ABCC12: variants seen among roughly 807,000 people sequenced by gnomAD.
The protein encoded by ABCC12 is ATP binding cassette subfamily C member 12.
In ABCC12, 142 loss-of-function variants were observed where a neutral mutation model predicts 151.1. That is an observed-to-expected ratio of 0.94 (90% CI 0.82 to 1.08). The LOEUF is 1.08. Among genes scored for constraint, ABCC12 ranks in the 50% least tolerant of loss-of-function variants. The pLI, the probability that ABCC12 is intolerant of heterozygous loss-of-function variation, is 0.00. For synonymous variants in ABCC12, 645 were observed against 646.4 expected (o/e 1.00, Z 0.03); for missense variants, 1,638 against 1,691.1 (o/e 0.97, Z 0.55).
intron 14 of ABCC12, 116 bp downstream of exon 14, chr16:48,117,145 C>T: frequency 4.2e-6 from 4 of 951,984 alleles, no homozygotes; most frequent in African/African-American, 1.6e-5. Flanking sequence ...GAGCTTTGCC[C>T]ACACGTCCTT....
At chr16:48,152,974 T>C (rs1469751077) in intron 2 of ABCC12, among the ~76,000 whole-genome samples, 2 of 152,140 alleles carry the variant, frequency 1.3e-5, no homozygotes, top group Admixed American at 1.3e-4. Context: ...TAAAGAACAT[T>C]ATTGGCCCAA....
intron 24 of ABCC12, among the ~76,000 whole-genome samples, chr16:48,092,197 A>T (rs1284640159): frequency 6.6e-6 from 1 of 152,254 alleles, no homozygotes; most frequent in African/African-American, 2.4e-5. Context: ...GAAGCCTGCA[A>T]GCATGTAATT....
Position 48,139,251 on chromosome 16 carries a change from A to T in ABCC12, c.743T>A (p.Met248Lys). Residue 248 changes from methionine (M) to lysine (K), a missense_variant, in exon 7 of 31, where the codon ATG becomes AAG. Physicochemically the swap from Met to Lys is moderately conservative, Grantham distance 95. Transcript: ENST00000311303. The stretch of plus-strand genomic sequence containing the variant: ...AAAGGCGTACGCCGCACAAAAGACC[A>T]TTAGGATCGGGATGGTGGCTGGCAA... ...CPLPATIPIL[M>K]VFCAAYAFFI... 6.2e-7 allele frequency: 1 copy of T among 1,614,158 alleles called. No individual in the cohort carries two copies. The highest frequency in any genetic ancestry group is 8.5e-7 in the Non-Finnish European group (1 of 1,180,004).
At chr16:48,103,761 C>T (rs984017378) in intron 22 of ABCC12, among the ~76,000 whole-genome samples, 1 of 152,216 alleles carries the variant, frequency 6.6e-6, no homozygotes, top group African/African-American at 2.4e-5. Flanking sequence ...CAGTGGGAAC[C>T]CCCGCCCCGA....
rs907990070 is a variant in ABCC12 at position 48,081,820 on chromosome 16, C to T, written c.*1895G>A. Among the ~76,000 whole-genome samples, 10 of 152,264 alleles carry T rather than the reference C, an allele frequency of 6.6e-5. 1 individual carries two copies. Among genetic ancestry groups the T allele is most frequent in the Admixed American group, 4.6e-4 (7 of 15,292 alleles). On this transcript the variant is annotated 3_prime_UTR_variant, in exon 31 of 31. Transcript: ENST00000311303. The stretch of plus-strand genomic sequence containing the variant: ...GGATCATTGTAGTCTATCCTCTGTC[C>T]TCATGAAAACACCACCTCTTGAAAT...
Position 48,128,569 on chromosome 16 carries a change from A to G in ABCC12, c.1405T>C (p.Ser469Pro). 1 of 1,613,464 alleles carries G rather than the reference A, an allele frequency of 6.2e-7. No individual in the cohort carries two copies. Among genetic ancestry groups the G allele is most frequent in the Non-Finnish European group, 8.5e-7 (1 of 1,179,874 alleles). The change falls in exon 11 of 31, where the codon TCA (serine) becomes CCA (proline). Residue 469 changes from serine to proline, a missense_variant. Ser to Pro is a moderately conservative substitution (Grantham distance 74). Transcript: ENST00000311303. Reference sequence around the variant, plus strand: ...GGACTCCTCTCACTGTATGCCTCTGACCTCTGTTTCTTGCATAAATGCCTT... The same window carrying G: ...GGACTCCTCTCACTGTATGCCTCTGGCCTCTGTTTCTTGCATAAATGCCTT... ...QKRHLCKKQR[S>P]EAYSERSPPA...
At chr16:48,105,044 C>A in intron 21 of ABCC12, 95 bp downstream of exon 21, 1 of 1,408,420 alleles carries the variant, frequency 7.1e-7, no homozygotes. Context: ...CTCTGGCTGT[C>A]CCCAGAGCCC....
Position 48,140,866 on chromosome 16 carries a change from A to G in ABCC12, c.478T>C (p.Trp160Arg). ...GCTATGCACAGTCCAATGCCAACCCAGACTTTCCCAGAGGTCCTCTCAGTC... is the reference window on the plus strand; with the variant it reads ...GCTATGCACAGTCCAATGCCAACCCGGACTTTCCCAGAGGTCCTCTCAGTC... ...QQTERTSGKVWVGIGLCIALF... is the reference protein window; with the variant it reads ...QQTERTSGKVRVGIGLCIALF... The change falls in exon 6 of 31, where the codon TGG becomes CGG. Residue 160 changes from tryptophan to arginine, a missense_variant. Coordinates refer to ENST00000311303, the MANE Select transcript of ABCC12 (RefSeq NM_001393797.1). 1 of 1,614,178 alleles carries G rather than the reference A, an allele frequency of 6.2e-7. No homozygotes were observed. Among genetic ancestry groups the G allele is most frequent in the Non-Finnish European group, 8.5e-7 (1 of 1,180,040 alleles).
chr16:48,093,969 G>T (rs1963002921), intron 24 of ABCC12, among the ~76,000 whole-genome samples: 1 of 152,206 alleles, frequency 6.6e-6, no homozygotes, highest in Non-Finnish European at 1.5e-5. Context: ...GTTCTCCAAA[G>T]GGGGCTAATG....
chr16:48,097,269 G>C (rs1354195847), intron 23 of ABCC12, among the ~76,000 whole-genome samples: 2 of 151,904 alleles, frequency 1.3e-5, no homozygotes, highest in African/African-American at 4.8e-5. Context: ...CTATCGTGGA[G>C]TCAGTCACCC....
Position 48,084,030 on chromosome 16 carries a change from G to A in ABCC12, c.3872C>T (p.Thr1291Ile), listed in dbSNP as rs1250268791. 1.2e-6 allele frequency: 2 copies of A among 1,612,732 alleles called. No homozygotes were observed. Among genetic ancestry groups the A allele is most frequent in the Non-Finnish European group, 1.7e-6 (2 of 1,179,718 alleles). The change falls in exon 30 of 31, where the codon ACT becomes ATT. Residue 1291 changes from threonine to isoleucine, a missense_variant. Thr to Ile is a moderately conservative substitution (Grantham distance 89, BLOSUM62 -1). Coordinates refer to ENST00000311303, the MANE Select transcript of ABCC12 (RefSeq NM_001393797.1). The stretch of plus-strand genomic sequence containing the variant: ...GATGGTGTTCTGAACCAGGGTGTCA[G>A]TCTTGGAGTCCATAGAGGCGGTGGC... ...DEATASMDSK[T>I]DTLVQNTIKD... is the part of the protein sequence containing the mutation.
At position 48,091,296 on chromosome 16, in the gene ABCC12, A is replaced by G. The variant is rs1178758962; in HGVS notation, c.3196-87T>C. 5 of 1,180,400 alleles carry G rather than the reference A, an allele frequency of 4.2e-6. No homozygotes were observed. In the African/African-American group the frequency reaches 6.0e-5, roughly 14 times the overall value. The allele number at this position is 1,180,400 out of a possible 1,614,324, so 73.1% of individuals were successfully genotyped here. ...CCCGTTCAGGAGGCAGTCCTAGTGA[A>G]TGATCCCTCCCCTGCCTAGCGCAAG... On this transcript the variant is annotated intron_variant, in intron 24 of 30. Coordinates refer to ENST00000311303, the MANE Select transcript of ABCC12 (RefSeq NM_001393797.1).
At chr16:48,084,477 G>A (rs1032167822) in intron 29 of ABCC12, among the ~76,000 whole-genome samples, 2 of 152,248 alleles carry the variant, frequency 1.3e-5, no homozygotes, top group Non-Finnish European at 2.9e-5. Context: ...TAGAGACTCA[G>A]TGTAAATTAT....
In ABCC12 at chr16:48,115,498, G is replaced by C; in HGVS notation, c.1906C>G (p.His636Asp). 6.2e-7 allele frequency: 1 copy of C among 1,614,200 alleles called. No individual in the cohort carries two copies. The highest frequency in any genetic ancestry group is 8.5e-7 in the Non-Finnish European group (1 of 1,180,036). Reference sequence around the variant, plus strand: ...TCCTCAAAGACGTGCTTCCCCACGTGGGCGTCCACGGCCGACAGGGGGTCG... The same window carrying C: ...TCCTCAAAGACGTGCTTCCCCACGTCGGCGTCCACGGCCGACAGGGGGTCG... ...LDDPLSAVDA[H>D]VGKHVFEECI... The change falls in exon 15 of 31, where the codon CAC (histidine) becomes GAC (aspartate). Residue 636 changes from histidine (H) to aspartate (D), a missense_variant. His to Asp is a moderately conservative substitution (Grantham distance 81). Coordinates refer to ENST00000311303, the MANE Select transcript of ABCC12 (RefSeq NM_001393797.1).
In ABCC12 at chr16:48,146,368, T is replaced by A. The variant is rs2150681985; in HGVS notation, c.57A>T (p.Arg19Ser). 1 of 1,614,138 alleles carries A rather than the reference T, an allele frequency of 6.2e-7. No homozygotes were observed. The highest frequency in any genetic ancestry group is 2.2e-5 in the East Asian group (1 of 44,878). The change falls in exon 3 of 31, where the codon AGA (arginine) becomes AGT (serine). Residue 19 changes from arginine to serine, a missense_variant. Arg to Ser is a moderately radical substitution (Grantham distance 110, BLOSUM62 -1). Transcript: ENST00000311303. ...TGGGGTCATATCTTTCTGCAAAGGA[T>A]CTCCGCCGGCCTCGCTGGTCCAGAT... Reference protein sequence around the residue: ...ISDLDQRGRRRSFAERYDPSL... With the variant: ...ISDLDQRGRRSSFAERYDPSL...
At chr16:48,139,691 AG>A (rs1216112740) in intron 6 of ABCC12, among the ~76,000 whole-genome samples, 1 of 152,206 alleles carries the variant, frequency 6.6e-6, no homozygotes, top group Non-Finnish European at 1.5e-5. Flanking sequence ...GGCCCAGAAA[AG>A]ACTACATTTC....
At chr16:48,136,762 C>T (rs1358412770) in intron 8 of ABCC12, among the ~76,000 whole-genome samples, 4 of 152,114 alleles carry the variant, frequency 2.6e-5, no homozygotes, top group African/African-American at 9.7e-5. Flanking sequence ...AGCAGGAGCG[C>T]ACTCCAGGCA....
At chr16:48,140,465 G>A (rs1799900616) in intron 6 of ABCC12, among the ~76,000 whole-genome samples, 1 of 152,104 alleles carries the variant, frequency 6.6e-6, no homozygotes, top group South Asian at 2.1e-4. Flanking sequence ...CTGGAACTAG[G>A]AAGTCTCTCC....
chr16:48,117,675 G>T (rs1396552409), intron 13 of ABCC12, among the ~76,000 whole-genome samples: 3 of 152,320 alleles, frequency 2.0e-5, no homozygotes, highest in African/African-American at 7.2e-5. Flanking sequence ...CAGAGGAGGG[G>T]TCACCCTTGG....
Sources: allele counts gnomAD v4.1 joint callset (sites outside exome capture counted in the v4.1 genomes callset), GRCh38; gene constraint gnomAD v4.1.1; transcripts MANE v1.5; gene names NCBI Gene and HGNC (gene_info 2026-07-23, HGNC 2026-07-21).